Variants in FBN2 observed in about 807,000 individuals in gnomAD.
FBN2 encodes fibrillin 2.
In FBN2, 105 loss-of-function variants were observed where a neutral mutation model predicts 355.6. That is an observed-to-expected ratio of 0.30 (90% CI 0.25 to 0.35). The LOEUF is 0.35. Among genes scored for constraint, FBN2 ranks in the 10% least tolerant of loss-of-function variants. The pLI, the probability that FBN2 is intolerant of heterozygous loss-of-function variation, is 1.00. For missense variants in FBN2, 3,280 were observed against 3,758.7 expected (o/e 0.87, Z 3.33); for synonymous variants, 1,350 against 1,301.2 (o/e 1.04, Z -0.81).
intron 46 of FBN2, among the ~76,000 whole-genome samples, chr5:128,302,259 T>C (rs868296256): frequency 3.4e-4 from 51 of 152,200 alleles, no homozygotes; most frequent in African/African-American, 9.4e-4. Flanking sequence ...TGCAGGGCCA[T>C]GCGAATTACA....
rs373724597 is a variant in FBN2, at chr5:128,361,247, T to C, written c.2554+476A>G. On this transcript the variant is annotated intron_variant, in intron 19 of 64. Transcript: ENST00000262464. Reference sequence around the variant, plus strand: ...ACAATTCTCTTGGACTAAAAACCTATTAAAGTTATCATTTTTACTTAGTTC... The same window carrying C: ...ACAATTCTCTTGGACTAAAAACCTACTAAAGTTATCATTTTTACTTAGTTC... Among the ~76,000 whole-genome samples, 19 of 152,328 alleles carry C rather than the reference T, an allele frequency of 1.2e-4. 1 individual carries two copies. The highest frequency in any genetic ancestry group is 4.6e-4 in the African/African-American group (19 of 41,590).
chr5:128,312,550 CCT>C, intron 37 of FBN2, 82 bp downstream of exon 37: 2 of 1,497,238 alleles, frequency 1.3e-6, no homozygotes, highest in Non-Finnish European at 1.9e-6. Flanking sequence ...ACTAAACACT[CCT>C]CACTCCCAGC....
intron 48 of FBN2, among the ~76,000 whole-genome samples, chr5:128,297,768 G>C (rs946635282): frequency 1.3e-5 from 2 of 152,180 alleles, no homozygotes; most frequent in South Asian, 4.1e-4. Flanking sequence ...ACAGCACACT[G>C]ATGGGTCTTG....
chr5:128,459,273 G>A (rs911090627), intron 6 of FBN2, among the ~76,000 whole-genome samples: 12 of 151,936 alleles, frequency 7.9e-5, no homozygotes, highest in African/African-American at 2.9e-4. Context: ...CCCCTAAATA[G>A]ACCACTAACA....
intron 7 of FBN2, among the ~76,000 whole-genome samples, chr5:128,443,394 T>C (rs1457861759): frequency 6.6e-6 from 1 of 152,204 alleles, no homozygotes; most frequent in Non-Finnish European, 1.5e-5. Flanking sequence ...TAACTTATTA[T>C]ATATCCTACT....
intron 2 of FBN2, among the ~76,000 whole-genome samples, chr5:128,535,377 G>A: frequency 6.6e-6 from 1 of 152,090 alleles, no homozygotes; most frequent in East Asian, 1.9e-4. Flanking sequence ...TTATCCCTTG[G>A]TTAGTGTGCC....
intron 2 of FBN2, among the ~76,000 whole-genome samples, chr5:128,535,657 A>T (rs1270651841): frequency 6.6e-6 from 1 of 152,240 alleles, no homozygotes; most frequent in African/African-American, 2.4e-5. Flanking sequence ...TAGAACTTGG[A>T]GAACTGGTTA....
intron 48 of FBN2, 108 bp from the exon 49 acceptor site, chr5:128,291,762 C>G: frequency 1.9e-6 from 2 of 1,062,592 alleles, no homozygotes; most frequent in Admixed American, 1.7e-5. Context: ...AGAGATATTA[C>G]GTTGTATGTT....
intron 33 of FBN2, 56 bp downstream of exon 33, chr5:128,330,517 C>A: frequency 1.3e-6 from 2 of 1,593,004 alleles, no homozygotes; most frequent in Non-Finnish European, 1.7e-6. Flanking sequence ...AATAAGGAAG[C>A]ATATAGAGTG....
At chr5:128,335,658 A>C (rs1750815758) in intron 28 of FBN2, 81 bp from the exon 29 acceptor site, 11 of 1,540,212 alleles carry the variant, frequency 7.1e-6, no homozygotes, top group Non-Finnish European at 9.0e-6. Flanking sequence ...GATAATGCTA[A>C]TGTGGCTTTG....
intron 7 of FBN2, among the ~76,000 whole-genome samples, chr5:128,438,619 T>C (rs749565297): frequency 6.6e-6 from 1 of 152,220 alleles, no homozygotes; most frequent in Non-Finnish European, 1.5e-5. Flanking sequence ...GTGCCATAGA[T>C]GTACCTACTG....
chr5:128,363,777 C>T (rs992491629), intron 18 of FBN2, among the ~76,000 whole-genome samples: 1 of 152,170 alleles, frequency 6.6e-6, no homozygotes, highest in Non-Finnish European at 1.5e-5. Context: ...TGGTACTCTT[C>T]CCTGTAGTTA....
chr5:128,314,240 G>T (rs1045609506), intron 36 of FBN2, among the ~76,000 whole-genome samples: 2 of 152,084 alleles, frequency 1.3e-5, no homozygotes, highest in African/African-American at 4.8e-5. Flanking sequence ...CTCAGATTTT[G>T]CATTTTGTTT....
intron 7 of FBN2, among the ~76,000 whole-genome samples, chr5:128,416,570 T>G (rs2127009925): frequency 6.6e-6 from 1 of 152,344 alleles, no homozygotes; most frequent in African/African-American, 2.4e-5. Flanking sequence ...TTAATCCATC[T>G]TGAGCTAATT....
chr5:128,307,836 G>A (rs1482412285), intron 41 of FBN2, among the ~76,000 whole-genome samples: 2 of 151,964 alleles, frequency 1.3e-5, no homozygotes, highest in Admixed American at 6.6e-5. Flanking sequence ...TGCTTCTGAC[G>A]CTCACTGCTA....
intron 6 of FBN2, among the ~76,000 whole-genome samples, chr5:128,451,751 A>G (rs1007115117): frequency 1.3e-5 from 2 of 152,188 alleles, no homozygotes; most frequent in African/African-American, 4.8e-5. Context: ...ACAGTGTGGT[A>G]TAAAAGAGCT....
chr5:128,306,177 T>G (rs1749869983), intron 42 of FBN2, among the ~76,000 whole-genome samples: 1 of 152,084 alleles, frequency 6.6e-6, no homozygotes, highest in African/African-American at 2.4e-5. Context: ...ACCAAGTAAT[T>G]TCAGAGTCAA....
chr5:128,472,476 C>CTTCA (rs1271614913), intron 5 of FBN2, among the ~76,000 whole-genome samples: 1 of 152,110 alleles, frequency 6.6e-6, no homozygotes, highest in African/African-American at 2.4e-5. Flanking sequence ...TGTGAATGTA[C>CTTCA]TTCAAGCCCC....
Position 128,259,621 on chromosome 5 carries a change from G to C in FBN2, c.8573C>G (p.Thr2858Arg). ...GCCGGGCATGAGCTTCTTCTTGGCC[G>C]TGTGCAAGTAGCTGAGCCCATTCCT... is the stretch of plus-strand genomic sequence containing the variant. The part of the protein sequence containing the change: ...HQRNGLSYLH[T>R]AKKKLMPGTY... The change falls in exon 65 of 65, where the codon ACG becomes AGG. Residue 2858 changes from threonine (T) to arginine (R), a missense_variant. Physicochemically the swap from Thr to Arg is moderately conservative, Grantham distance 71. Around this residue, in one of 6 missense-constraint regions of FBN2, gnomAD observed 311 missense variants for 319.1 expected, o/e 0.97. Transcript: ENST00000262464. 1.2e-6 allele frequency: 2 copies of C among 1,614,022 alleles called. No homozygotes were observed. Among genetic ancestry groups the C allele is most frequent in the Non-Finnish European group, 1.7e-6 (2 of 1,180,018 alleles).
Sources: allele counts gnomAD v4.1 joint callset (sites outside exome capture counted in the v4.1 genomes callset), GRCh38; gene constraint gnomAD v4.1.1; regional missense constraint gnomAD v4.1.1; transcripts MANE v1.5; gene names NCBI Gene and HGNC (gene_info 2026-07-23, HGNC 2026-07-21).